Variants in RORA observed in about 807,000 individuals in gnomAD.
The protein encoded by RORA is RAR related orphan receptor A, also known as nuclear receptor ROR-alpha.
Under a neutral mutation model 69.5 loss-of-function variants are expected in RORA, and 7 were observed. The observed-to-expected ratio is 0.10, with a 90% confidence interval of 0.06 to 0.19. The LOEUF (loss-of-function observed/expected upper bound fraction) is 0.19. Ranked by LOEUF, RORA falls within the 10% of genes least tolerant of loss-of-function variation. The pLI, the probability that RORA is intolerant of heterozygous loss-of-function variation, is 1.00. For missense variants in RORA, 457 were observed against 663.0 expected (o/e 0.69, Z 3.41); for synonymous variants, 261 against 240.8 (o/e 1.08, Z -0.78).
At chr15:61,148,308 T>G (rs7163680) in intron 1 of RORA, among the ~76,000 whole-genome samples, 104,777 of 152,070 alleles carry the variant, frequency 0.69, 37,150 homozygotes, top group Non-Finnish European at 0.78. Context: ...ACAGCTTTGT[T>G]TCAGTTGGAT....
chr15:60,903,388 T>G (rs1343855963), intron 1 of RORA, among the ~76,000 whole-genome samples: 1 of 152,136 alleles, frequency 6.6e-6, no homozygotes, highest in Non-Finnish European at 1.5e-5. Flanking sequence ...GTTGGACGCG[T>G]TTATGGGCCC....
intron 1 of RORA, among the ~76,000 whole-genome samples, chr15:60,688,804 T>G (rs2070782532): frequency 6.6e-6 from 1 of 152,154 alleles, no homozygotes; most frequent in Non-Finnish European, 1.5e-5. Context: ...GGACAACTTT[T>G]GACTCCTAGG....
intron 1 of RORA, among the ~76,000 whole-genome samples, chr15:61,017,144 C>T (rs1377686206): frequency 9.9e-5 from 15 of 152,036 alleles, no homozygotes; most frequent in Admixed American, 9.8e-4. Context: ...TTGATTCCTA[C>T]GTTTTTATTT....
chr15:61,062,679 C>T (rs1174888646), intron 1 of RORA, among the ~76,000 whole-genome samples: 1 of 152,118 alleles, frequency 6.6e-6, no homozygotes, highest in African/African-American at 2.4e-5. Flanking sequence ...TTTATGTATT[C>T]AATGTATGCT....
In RORA at chr15:61,061,505, G is replaced by A. The variant is rs2078186341; in HGVS notation, c.166+167548C>T. ...CTGTGAGCAGGGGCTTGGTAGGCCA[G>A]GATAGACAAACTTCTGACCTCGCCC... On this transcript the variant is annotated intron_variant, in intron 1 of 10. Coordinates refer to ENST00000335670, the MANE Select transcript of RORA (RefSeq NM_134261.3). This position sits in a 1 kb window ranked among gnomAD's most constrained non-coding sequence, Gnocchi z 4.4. Among the ~76,000 whole-genome samples the A allele has an allele frequency of 6.6e-6, 1 of 152,122 alleles. No homozygotes were observed. Among genetic ancestry groups the A allele is most frequent in the African/African-American group, 2.4e-5 (1 of 41,420 alleles).
At chr15:60,601,210 G>C (rs938830464) in intron 2 of RORA, among the ~76,000 whole-genome samples, 7 of 152,154 alleles carry the variant, frequency 4.6e-5, no homozygotes, top group African/African-American at 1.7e-4. Context: ...ATAACATCTA[G>C]GCATGTGTGC....
Position 61,147,328 on chromosome 15 carries a change from C to T in RORA, c.166+81725G>A, listed in dbSNP as rs1356610326. Reference sequence around the variant, plus strand: ...CCTCTGTGGTGCCTGGCCAGTCCCACTAGGCTTGGCTCTTCCAGTTCCTGC... The same window carrying T: ...CCTCTGTGGTGCCTGGCCAGTCCCATTAGGCTTGGCTCTTCCAGTTCCTGC... On this transcript the variant is annotated intron_variant, in intron 1 of 10. Transcript: ENST00000335670. The surrounding 1 kb of genome is among the most constrained non-coding windows in gnomAD (Gnocchi z 4.1). Among the ~76,000 whole-genome samples the T allele has an allele frequency of 6.6e-6, 1 of 152,204 alleles. No individual in the cohort carries two copies. Among genetic ancestry groups the T allele is most frequent in the East Asian group, 1.9e-4 (1 of 5,190 alleles).
At chr15:60,846,392 T>C (rs924354021) in intron 1 of RORA, among the ~76,000 whole-genome samples, 3 of 152,228 alleles carry the variant, frequency 2.0e-5, no homozygotes, top group African/African-American at 7.2e-5. Flanking sequence ...GGTTTCTCTA[T>C]CGTAACTGCT....
chr15:61,168,706 G>T (rs965668619), intron 1 of RORA, among the ~76,000 whole-genome samples: 7 of 152,052 alleles, frequency 4.6e-5, no homozygotes, highest in African/African-American at 1.7e-4. Context: ...AGCGTTTTAT[G>T]GTTCCCCTCA....
intron 2 of RORA, among the ~76,000 whole-genome samples, chr15:60,629,163 G>A (rs1483472072): frequency 1.4e-5 from 2 of 138,512 alleles, no homozygotes; most frequent in East Asian, 4.3e-4. Context: ...GCTTTTCGAT[G>A]TTTATAAGGA....
At chr15:60,709,241 C>A (rs1314670622) in intron 1 of RORA, among the ~76,000 whole-genome samples, 1 of 152,210 alleles carries the variant, frequency 6.6e-6, no homozygotes, top group Non-Finnish European at 1.5e-5. Flanking sequence ...ACAGCTACTA[C>A]CATTCACTGA....
chr15:60,530,830 A>T (rs1011484238), intron 3 of RORA: 1 of 152,188 alleles, frequency 6.6e-6, no homozygotes, highest in Non-Finnish European at 1.5e-5. Context: ...GGTTGTAGCA[A>T]TCGGCTGTCT....
chr15:60,927,774 A>AAAAC lies in RORA; in HGVS notation c.167-249092_167-249089dup, dbSNP rs746418251. Among the ~76,000 whole-genome samples, 64 of 152,294 alleles carry AAAAC rather than the reference A, an allele frequency of 4.2e-4. No homozygotes were observed. The East Asian group carries it at 6.4e-3, about 15-fold the overall frequency. On this transcript the variant is annotated intron_variant, in intron 1 of 10. Coordinates refer to ENST00000335670, the MANE Select transcript of RORA (RefSeq NM_134261.3). ...GGGTGACAGAGGAAGACTCTGTCTC[A>AAAAC]AAACAAACAAACAAACAAACAAAAA...
intron 2 of RORA, among the ~76,000 whole-genome samples, chr15:60,570,331 T>C (rs894637156): frequency 1.3e-5 from 2 of 151,882 alleles, no homozygotes; most frequent in African/African-American, 4.8e-5. Flanking sequence ...TTTGTGTGGG[T>C]GTATGTGTTT....
At chr15:60,550,015 G>A (rs545063462) in intron 2 of RORA, among the ~76,000 whole-genome samples, 26 of 151,820 alleles carry the variant, frequency 1.7e-4, no homozygotes, top group African/African-American at 5.6e-4. Flanking sequence ...AAGAGGGGCC[G>A]GGCGCGGTGG....
intron 1 of RORA, among the ~76,000 whole-genome samples, chr15:60,739,178 C>A (rs905190783): frequency 3.3e-5 from 5 of 152,188 alleles, no homozygotes; most frequent in African/African-American, 1.2e-4. Context: ...AAAGTCACTT[C>A]TTTCAAGGAC....
intron 1 of RORA, among the ~76,000 whole-genome samples, chr15:60,949,771 T>G (rs938854489): frequency 6.6e-6 from 1 of 152,240 alleles, no homozygotes; most frequent in Non-Finnish European, 1.5e-5. Flanking sequence ...TATATCTTTA[T>G]CTGCACTTGG....
intron 1 of RORA, among the ~76,000 whole-genome samples, chr15:60,924,722 T>TA (rs1299744123): frequency 6.6e-6 from 1 of 152,164 alleles, no homozygotes; most frequent in African/African-American, 2.4e-5. Flanking sequence ...TACTGTGAAC[T>TA]ATAACAACCA....
At position 60,676,842 on chromosome 15, in the gene RORA, A is replaced by G. The variant is rs2070561252; in HGVS notation, c.196+1815T>C. Among the ~76,000 whole-genome samples, 3 of 152,246 alleles carry G rather than the reference A, an allele frequency of 2.0e-5. No individual in the cohort carries two copies. The South Asian group carries it at 6.2e-4, about 32-fold the overall frequency. On this transcript the variant is annotated intron_variant, in intron 2 of 10. Coordinates refer to ENST00000335670, the MANE Select transcript of RORA (RefSeq NM_134261.3). ...GTTTCTGCAATAGCCCAAGAAAATT[A>G]TTCTCAGGGATGACAGTTCCTCGAA... is the stretch of plus-strand genomic sequence containing the variant.
Sources: allele counts gnomAD v4.1 joint callset (sites outside exome capture counted in the v4.1 genomes callset), GRCh38; gene constraint gnomAD v4.1.1; non-coding constraint Gnocchi (gnomAD v3.1); transcripts MANE v1.5; gene names NCBI Gene and HGNC (gene_info 2026-07-23, HGNC 2026-07-21).